The following SNTG1 variants were observed in gnomAD, a reference collection of about 807,000 sequenced individuals.
SNTG1 encodes the protein syntrophin gamma 1, also known as gamma-1-syntrophin.
Under a neutral mutation model 74.7 loss-of-function variants are expected in SNTG1, and 39 were observed. That is an observed-to-expected ratio of 0.52 (90% CI 0.40 to 0.68). The LOEUF is 0.68. Ranked by LOEUF, SNTG1 falls within the 30% of genes least tolerant of loss-of-function variation. The probability of loss-of-function intolerance (pLI) is 0.00; values close to 1 mark genes in which losing one functional copy is unlikely to be tolerated. For missense variants in SNTG1, 685 were observed against 609.5 expected, an observed-to-expected ratio of 1.12 and a Z score of -1.30; for synonymous variants, 254 against 217.1, an observed-to-expected ratio of 1.17 and a Z score of -1.49.
intron 2 of SNTG1, among the ~76,000 whole-genome samples, chr8:50,335,366 C>G (rs113514350): frequency 6.6e-6 from 1 of 152,298 alleles, no homozygotes; most frequent in Middle Eastern, 3.4e-3. Flanking sequence ...TGAAATCACA[C>G]GTCAGCAGAG....
At chr8:50,276,401 ATATAT>A (rs1563832799) in intron 2 of SNTG1, among the ~76,000 whole-genome samples, 11 of 102,456 alleles carry the variant, frequency 1.1e-4, no homozygotes, top group African/African-American at 3.3e-4. Flanking sequence ...ATATATATAT[ATATAT>A]ATAAATCATA....
intron 16 of SNTG1, among the ~76,000 whole-genome samples, chr8:50,707,286 A>G (rs1164433887): frequency 3.3e-5 from 5 of 152,068 alleles, no homozygotes; most frequent in Non-Finnish European, 7.4e-5. Context: ...GCAAACCATT[A>G]TGTCTAAATT....
chr8:50,755,729 T>A (rs983218882), intron 18 of SNTG1, among the ~76,000 whole-genome samples: 10 of 151,918 alleles, frequency 6.6e-5, no homozygotes, highest in African/African-American at 2.2e-4. Context: ...CACCAATAAA[T>A]GAAAGTTGCT....
chr8:50,123,716 A>G lies in SNTG1; in HGVS notation c.-102-48845A>G, dbSNP rs368560582. Among the ~76,000 whole-genome samples, 233 of 142,242 alleles carry G rather than the reference A, an allele frequency of 1.6e-3. 55 individuals are homozygous for G. The South Asian group carries it at 0.031, about 19-fold the overall frequency. 93.3% of individuals were successfully genotyped at this position (142,242 alleles called of 152,430 possible). A position where few individuals can be genotyped will look rare whatever the true frequency, so the allele number is the denominator to read the frequency against. On this transcript the variant is annotated intron_variant, in intron 1 of 18. Transcript: ENST00000642720. ...GTTTTTCCTACTGGGAAAGGGTGAC[A>G]TTGTAGAGGCCAAAAGAAGGGACAT...
At chr8:49,916,262 G>T (rs964606367) in intron 1 of SNTG1, among the ~76,000 whole-genome samples, 5 of 151,868 alleles carry the variant, frequency 3.3e-5, no homozygotes, top group African/African-American at 1.2e-4. Context: ...AGAGTAAGAG[G>T]TCATTAAAAT....
Position 50,583,394 on chromosome 8 carries a change from CAA to C in SNTG1, c.811-7466_811-7465del, listed in dbSNP as rs58794829. 2.9e-3 allele frequency among the ~76,000 whole-genome samples: 240 copies of C among 82,404 alleles called. 2 individuals are homozygous for C. Among genetic ancestry groups the C allele is most frequent in the East Asian group, 0.016 (49 of 3,076 alleles). The allele number at this position is 82,404 out of a possible 152,430, so 54.1% of individuals were successfully genotyped here. A position where few individuals can be genotyped will look rare whatever the true frequency, so the allele number is the denominator to read the frequency against. On this transcript the variant is annotated intron_variant, in intron 12 of 18. Coordinates refer to ENST00000642720, the MANE Select transcript of SNTG1 (RefSeq NM_018967.5). The stretch of plus-strand genomic sequence containing the variant: ...CCAGCCTGGGCGACAGAGTGAGACT[CAA>C]AAAAAAAAAAAAAAAAAAGAAAGAA...
At chr8:50,183,654 T>C (rs768701802) in intron 2 of SNTG1, among the ~76,000 whole-genome samples, 1 of 152,172 alleles carries the variant, frequency 6.6e-6, no homozygotes, top group South Asian at 2.1e-4. Flanking sequence ...ATCTTAACCA[T>C]AATTAAACTA....
intron 1 of SNTG1, among the ~76,000 whole-genome samples, chr8:49,945,996 A>C (rs560179182): frequency 6.6e-6 from 1 of 152,330 alleles, no homozygotes; most frequent in South Asian, 2.1e-4. Flanking sequence ...CTTGCTCTCT[A>C]GGTTTTACTA....
intron 2 of SNTG1, among the ~76,000 whole-genome samples, chr8:50,282,095 T>C (rs2088493438): frequency 6.6e-6 from 1 of 152,122 alleles, no homozygotes; most frequent in African/African-American, 2.4e-5. Context: ...ATAACATCTC[T>C]GACCAGAAAC....
chr8:50,073,014 G>A (rs1388066709), intron 1 of SNTG1, among the ~76,000 whole-genome samples: 1 of 152,154 alleles, frequency 6.6e-6, no homozygotes, highest in Admixed American at 6.5e-5. Flanking sequence ...AGTCAGGATG[G>A]TGGTTCCTAA....
At chr8:50,178,954 A>G (rs1357877963) in intron 2 of SNTG1, among the ~76,000 whole-genome samples, 2 of 152,178 alleles carry the variant, frequency 1.3e-5, no homozygotes, top group African/African-American at 4.8e-5. Flanking sequence ...GTTTTCTTCT[A>G]CAAATTTTAC....
At chr8:50,400,910 T>C (rs1366981070) in intron 3 of SNTG1, among the ~76,000 whole-genome samples, 1 of 152,128 alleles carries the variant, frequency 6.6e-6, no homozygotes, top group East Asian at 1.9e-4. Flanking sequence ...CAGCTAACAG[T>C]AATGCATTAT....
chr8:50,694,261 C>T (rs2131467014), intron 15 of SNTG1, among the ~76,000 whole-genome samples: 2 of 151,536 alleles, frequency 1.3e-5, no homozygotes, highest in Middle Eastern at 6.9e-3. Flanking sequence ...TGAAATATTA[C>T]ATCTGATACC....
In SNTG1 at chr8:50,412,026, G is replaced by A. The variant is rs971505702; in HGVS notation, c.162+9682G>A. On this transcript the variant is annotated intron_variant, in intron 4 of 18. Coordinates refer to ENST00000642720, the MANE Select transcript of SNTG1 (RefSeq NM_018967.5). ...TTGTTATTTGAAGGCTCCTCCAAAC[G>A]TAGAAGCAAATGAATGATAATATTT... Among the ~76,000 whole-genome samples the A allele has an allele frequency of 5.9e-5, 9 of 152,104 alleles. 1 individual carries two copies. The highest frequency in any genetic ancestry group is 9.7e-5 in the African/African-American group (4 of 41,408).
At chr8:50,602,072 G>A (rs1007201037) in intron 13 of SNTG1, among the ~76,000 whole-genome samples, 4 of 151,620 alleles carry the variant, frequency 2.6e-5, no homozygotes, top group Non-Finnish European at 5.9e-5. Flanking sequence ...AATCCATTCT[G>A]CCACTCTATG....
At chr8:49,994,953 T>C (rs2130366054) in intron 1 of SNTG1, among the ~76,000 whole-genome samples, 1 of 152,256 alleles carries the variant, frequency 6.6e-6, no homozygotes, top group Non-Finnish European at 1.5e-5. Context: ...ATGTAAGTGC[T>C]AGGAAAAAGG....
At chr8:50,608,870 G>T (rs2094831060) in intron 13 of SNTG1, among the ~76,000 whole-genome samples, 1 of 151,640 alleles carries the variant, frequency 6.6e-6, no homozygotes, top group African/African-American at 2.4e-5. Flanking sequence ...TATATATTTT[G>T]ATTTTTGAAA....
chr8:50,738,695 T>C lies in SNTG1; in HGVS notation c.1285-13306T>C, dbSNP rs185305493. On this transcript the variant is annotated intron_variant, in intron 17 of 18. Coordinates refer to ENST00000642720, the MANE Select transcript of SNTG1 (RefSeq NM_018967.5). ...TACAGTAACCAAAACAGCATGGTAC[T>C]TGTACCAAAACAGAGATATAGACCA... Among the ~76,000 whole-genome samples the C allele has an allele frequency of 3.3e-5, 5 of 151,962 alleles. No homozygotes were observed. In the East Asian group the frequency reaches 7.8e-4, roughly 24 times the overall value.
chr8:50,089,468 C>A (rs2079628690), intron 1 of SNTG1, among the ~76,000 whole-genome samples: 1 of 151,466 alleles, frequency 6.6e-6, no homozygotes, highest in Non-Finnish European at 1.5e-5. Flanking sequence ...AGTGAACAGG[C>A]AACCTACAAA....
Sources: gnomAD v4.1 joint callset for allele counts (sites outside exome capture counted in the v4.1 genomes callset) on GRCh38, gnomAD v4.1.1 for gene constraint, MANE v1.5 for transcripts, NCBI Gene and HGNC (gene_info 2026-07-23, HGNC 2026-07-21) for gene names.